Variants in FAT1 observed in about 807,000 individuals in gnomAD.
FAT1 encodes the protein protocadherin Fat 1.
FAT1 carries 171 observed loss-of-function variants against 329.8 expected under a neutral mutation model. The observed-to-expected ratio is 0.52, with a 90% CI of 0.46 to 0.59. FAT1 has a LOEUF of 0.59. Ranked by LOEUF, FAT1 falls within the 20% of genes least tolerant of loss-of-function variation. The pLI, the probability that FAT1 is intolerant of heterozygous loss-of-function variation, is 0.00. For missense variants in FAT1, 5,672 were observed against 5,774.4 expected (o/e 0.98, Z 0.57); for synonymous variants, 2,233 against 2,228.6 (o/e 1.00, Z -0.06).
chr4:186,594,777 T>C (rs949102998), intron 26 of FAT1, among the ~76,000 whole-genome samples: 5 of 149,648 alleles, frequency 3.3e-5, no homozygotes, highest in Non-Finnish European at 4.4e-5. Context: ...AATGACTATA[T>C]GGATTTATGG....
rs528719512 is a variant in FAT1 at position 186,636,898 on chromosome 4, T to C, written c.3659A>G (p.Asn1220Ser). The change falls in exon 5 of 27, where the codon AAT becomes AGT. Residue 1220 changes from asparagine (N) to serine (S), a missense_variant. Asn to Ser is a conservative substitution (Grantham distance 46). Around this residue, in one of 2 missense-constraint regions of FAT1, gnomAD observed 3,966 missense variants for 3,915.2 expected, o/e 1.01. Coordinates refer to ENST00000441802, the MANE Select transcript of FAT1 (RefSeq NM_005245.4). ...EHILEVTVTD[N>S]GSPPKSTIAR... is the part of the protein sequence containing the mutation. The stretch of plus-strand genomic sequence containing the variant: ...AATGGTTGATTTGGGGGGACTACCA[T>C]TGTCTGTCACAGTAACCTGTTTTTT... 1.9e-5 allele frequency: 31 copies of C among 1,609,494 alleles called. No individual in the cohort carries two copies. The Admixed American group carries it at 3.4e-4, about 18-fold the overall frequency.
intron 7 of FAT1, among the ~76,000 whole-genome samples, chr4:186,629,930 A>T (rs1579353501): frequency 6.6e-6 from 1 of 152,248 alleles, no homozygotes; most frequent in Admixed American, 6.5e-5. Flanking sequence ...CATAGATTAG[A>T]TTACATATTC....
chr4:186,641,238 CTA>C (rs1741075801), intron 3 of FAT1, among the ~76,000 whole-genome samples: 1 of 152,176 alleles, frequency 6.6e-6, no homozygotes, highest in African/African-American at 2.4e-5. Flanking sequence ...CAACAGAAGG[CTA>C]TATCATACCT....
chr4:186,722,831 T>C (rs1225639272), intron 1 of FAT1, among the ~76,000 whole-genome samples: 1 of 152,034 alleles, frequency 6.6e-6, no homozygotes, highest in Non-Finnish European at 1.5e-5. Flanking sequence ...TTTTAAAAAA[T>C]CGCCTCTATC....
At position 186,609,726 on chromosome 4, in the gene FAT1, A is replaced by G. The variant is rs1036382926; in HGVS notation, c.10068+75T>C. On this transcript the variant is annotated intron_variant, in intron 15 of 26. Transcript: ENST00000441802. ...TTACAAAGGCCGCTACAAAAACTAG[A>G]TTGATTTTACTAAAAACTTTTGCAA... 2.0e-5 allele frequency: 21 copies of G among 1,036,844 alleles called. 1 individual carries two copies. The Admixed American group carries it at 3.9e-4, about 19-fold the overall frequency. The allele number at this position is 1,036,844 out of a possible 1,614,324, so 64.2% of individuals were successfully genotyped here.
intron 2 of FAT1, among the ~76,000 whole-genome samples, chr4:186,676,549 G>A (rs1742966583): frequency 6.6e-6 from 1 of 152,180 alleles, no homozygotes; most frequent in South Asian, 2.1e-4. Flanking sequence ...AATAACAACT[G>A]CCTAAAGCTC....
chr4:186,613,113 G>A lies in FAT1; in HGVS notation c.9459C>T (p.Asp3153=), dbSNP rs775269125. The stretch of plus-strand genomic sequence containing the variant: ...AAGAGCATTCCCGGGAGATACCTGC[G>A]TCGGCATCTGTGGCCTGCACTCTTG... ...LLTRVQATDA[D]AGLNRKILYS... Residue 3153 remains aspartate, a synonymous_variant, in exon 13 of 27, where the codon GAC becomes GAT. Transcript: ENST00000441802. 2.0e-5 allele frequency: 32 copies of A among 1,606,056 alleles called. No individual in the cohort carries two copies. The highest frequency in any genetic ancestry group is 8.0e-5 in the African/African-American group (6 of 74,844).
chr4:186,610,099 A>G (rs1393659375), intron 14 of FAT1, 84 bp from the exon 15 acceptor site: 3 of 763,910 alleles, frequency 3.9e-6, no homozygotes, highest in Non-Finnish European at 6.4e-6. Context: ...AATGCTTTTG[A>G]GTACATTTAG....
Position 186,617,215 on chromosome 4 carries a change from G to A in FAT1, c.8879-14C>T. On this transcript the variant is annotated splice_polypyrimidine_tract_variant and intron_variant, in intron 10 of 26. Coordinates refer to ENST00000441802, the MANE Select transcript of FAT1 (RefSeq NM_005245.4). ...AAGGATCCCCTCCTATTAAATCAAT[G>A]GAGGAAGATAATAATCAAATTTGTT... The A allele has an allele frequency of 1.0e-5, 15 of 1,506,800 alleles. No homozygotes were observed. The highest frequency in any genetic ancestry group is 6.5e-5 in the South Asian group (5 of 76,870). The allele number at this position is 1,506,800 out of a possible 1,614,324, so 93.3% of individuals were successfully genotyped here.
In FAT1 at chr4:186,598,141, G is replaced by A. The variant is rs1306311536; in HGVS notation, c.12104-16C>T. 13 of 1,579,814 alleles carry A rather than the reference G, an allele frequency of 8.2e-6. No individual in the cohort carries two copies. The Admixed American group carries it at 9.7e-5, about 12-fold the overall frequency. ...CAGTAATAACCTAAATCGGCAAAAA[G>A]GAACAAAAAAGTCCTATCACTCAAT... On this transcript the variant is annotated splice_polypyrimidine_tract_variant and intron_variant, in intron 22 of 26. Coordinates refer to ENST00000441802, the MANE Select transcript of FAT1 (RefSeq NM_005245.4).
At chr4:186,590,869 G>T (rs928484143) in intron 26 of FAT1, among the ~76,000 whole-genome samples, 2 of 152,160 alleles carry the variant, frequency 1.3e-5, no homozygotes, top group Non-Finnish European at 2.9e-5. Context: ...GGAATTCATA[G>T]GCAAACTTAG....
intron 3 of FAT1, among the ~76,000 whole-genome samples, chr4:186,642,746 C>G (rs1226608741): frequency 2.0e-5 from 3 of 152,166 alleles, no homozygotes; most frequent in Non-Finnish European, 4.4e-5. Context: ...TGTGGGCATA[C>G]AGACAGGTGT....
At chr4:186,625,942 C>T (rs1488634917) in intron 9 of FAT1, among the ~76,000 whole-genome samples, 1 of 152,104 alleles carries the variant, frequency 6.6e-6, no homozygotes, top group Non-Finnish European at 1.5e-5. Flanking sequence ...GCTTCACCAG[C>T]CCACAGAATG....
In FAT1 at chr4:186,707,584, G is replaced by A. The variant is rs1298722495; in HGVS notation, c.2244C>T (p.Phe748=). ...AAACAGCATAGACCAGTTTTCCATTGAAGCCAGTGTCAAGGTCAGTGGAGT... is the reference window on the plus strand; with the variant it reads ...AAACAGCATAGACCAGTTTTCCATTAAAGCCAGTGTCAAGGTCAGTGGAGT... ...FMNSTDLDTG[F]NGKLVYAVSG... Residue 748 remains phenylalanine, a synonymous_variant, in exon 2 of 27, where the codon TTC becomes TTT. Coordinates refer to ENST00000441802, the MANE Select transcript of FAT1 (RefSeq NM_005245.4). 6.2e-7 allele frequency: 1 copy of A among 1,613,960 alleles called. No individual in the cohort carries two copies. Among genetic ancestry groups the A allele is most frequent in the Admixed American group, 1.7e-5 (1 of 60,020 alleles).
At chr4:186,643,865 A>G (rs2126580316) in intron 3 of FAT1, among the ~76,000 whole-genome samples, 1 of 146,426 alleles carries the variant, frequency 6.8e-6, no homozygotes, top group South Asian at 2.1e-4. Context: ...TATACCCACT[A>G]CATGTTATTA....
chr4:186,590,483 C>T, intron 26 of FAT1: 1 of 1,002,096 alleles, frequency 1.0e-6, no homozygotes, highest in Non-Finnish European at 1.4e-6. Context: ...GGTAAGTACA[C>T]AGAACAATGA....
chr4:186,604,084 G>C, intron 18 of FAT1, 107 bp from the exon 19 acceptor site: 1 of 834,708 alleles, frequency 1.2e-6, no homozygotes, highest in South Asian at 1.8e-5. Context: ...CTAACTGGTA[G>C]ATACTCATTT....
In FAT1 at chr4:186,603,439, A is replaced by G. The variant is rs886617303; in HGVS notation, c.11087T>C (p.Leu3696Pro). The G allele has an allele frequency of 4.3e-6, 7 of 1,613,914 alleles. No individual in the cohort carries two copies. Among genetic ancestry groups the G allele is most frequent in the Non-Finnish European group, 5.9e-6 (7 of 1,179,912 alleles). Reference protein sequence around the residue: ...SEPHPHLDVLLFVEKPGSAQI... With the variant: ...SEPHPHLDVLPFVEKPGSAQI... ...AGCACTACCTGGTTTCTCTACAAAA[A>G]GTAAGACGTCCAGATGTGGGTGAGG... The change falls in exon 19 of 27, where the codon CTT becomes CCT. Residue 3696 changes from leucine (L) to proline (P), a missense_variant. Around this residue, in one of 2 missense-constraint regions of FAT1, gnomAD observed 1,706 missense variants for 1,859.1 expected, o/e 0.92. Coordinates refer to ENST00000441802, the MANE Select transcript of FAT1 (RefSeq NM_005245.4).
rs762033673 is a variant in FAT1 at position 186,708,310 on chromosome 4, A to T, written c.1518T>A (p.Asn506Lys). 6.8e-6 allele frequency: 11 copies of T among 1,613,800 alleles called. No homozygotes were observed. The highest frequency in any genetic ancestry group is 9.3e-6 in the Non-Finnish European group (11 of 1,179,868). Reference sequence around the variant, plus strand: ...AATGGTCAATCGCAAACGGCACATGATTTAAATTTGCGATACTGTATGTCA... The same window carrying T: ...AATGGTCAATCGCAAACGGCACATGTTTTAAATTTGCGATACTGTATGTCA... The part of the protein sequence containing the change: ...GYVTYSIANL[N>K]HVPFAIDHFT... Residue 506 changes from asparagine (N) to lysine (K), a missense_variant, in exon 2 of 27, where the codon AAT becomes AAA. Transcript: ENST00000441802.
Sources: gnomAD v4.1 joint callset for allele counts (sites outside exome capture counted in the v4.1 genomes callset) on GRCh38, gnomAD v4.1.1 for gene constraint, gnomAD v4.1.1 regional missense constraint, MANE v1.5 for transcripts, NCBI Gene and HGNC (gene_info 2026-07-23, HGNC 2026-07-21) for gene names.